Variants in TRDN observed in about 807,000 individuals in gnomAD.
TRDN encodes triadin in skeletal muscle.
A neutral mutation model predicts 149.7 loss-of-function variants in TRDN; 161 were observed. That is an observed-to-expected ratio of 1.08 (90% confidence interval 0.95 to 1.23). TRDN has a LOEUF of 1.23. Among genes scored for constraint, TRDN ranks in the 50% most tolerant of loss-of-function variants. The pLI, the probability that TRDN is intolerant of heterozygous loss-of-function variation, is 0.00. For missense variants in TRDN, 896 were observed against 823.5 expected (o/e 1.09, Z -1.08); for synonymous variants, 294 against 250.5 (o/e 1.17, Z -1.64).
intron 12 of TRDN, among the ~76,000 whole-genome samples, chr6:123,416,894 G>A (rs6901820): frequency 0.37 from 56,446 of 151,798 alleles, 10,975 homozygotes; most frequent in Middle Eastern, 0.47. Context: ...ATAGAGATGG[G>A]GCTTCACCAT....
chr6:123,511,258 T>C (rs1487396887), intron 7 of TRDN, among the ~76,000 whole-genome samples: 1 of 152,144 alleles, frequency 6.6e-6, no homozygotes, highest in African/African-American at 2.4e-5. Flanking sequence ...ATGTTATTGG[T>C]GCTCAGTAGC....
chr6:123,496,110 TTA>T (rs1267954742), intron 9 of TRDN, among the ~76,000 whole-genome samples: 2 of 147,154 alleles, frequency 1.4e-5, no homozygotes, highest in East Asian at 1.9e-4. Context: ...TATATAATTA[TTA>T]TATATAATAT....
intron 10 of TRDN, among the ~76,000 whole-genome samples, chr6:123,450,003 C>T (rs1307424089): frequency 1.3e-5 from 2 of 152,072 alleles, no homozygotes; most frequent in Non-Finnish European, 2.9e-5. Flanking sequence ...AAGTCTTTTT[C>T]AGACAAACAA....
At chr6:123,370,318 T>C (rs577774016) in intron 19 of TRDN, among the ~76,000 whole-genome samples, 2 of 152,034 alleles carry the variant, frequency 1.3e-5, no homozygotes, top group African/African-American at 4.8e-5. Context: ...GATAATTTTA[T>C]ATAAATTAAA....
intron 12 of TRDN, among the ~76,000 whole-genome samples, chr6:123,425,127 A>G (rs1384839216): frequency 6.6e-6 from 1 of 151,898 alleles, no homozygotes; most frequent in East Asian, 1.9e-4. Flanking sequence ...AAGAGAAATA[A>G]TGGAGTCAGC....
intron 12 of TRDN, among the ~76,000 whole-genome samples, chr6:123,437,855 A>G (rs969075954): frequency 6.6e-6 from 1 of 152,138 alleles, no homozygotes; most frequent in African/African-American, 2.4e-5. Flanking sequence ...GTTCAGACTC[A>G]ATTCCAGTCT....
At chr6:123,453,935 G>C (rs1775945532) in intron 10 of TRDN, among the ~76,000 whole-genome samples, 1 of 150,586 alleles carries the variant, frequency 6.6e-6, no homozygotes, top group South Asian at 2.1e-4. Context: ...ATACATGATG[G>C]AATACAACTC....
chr6:123,218,691 A>G lies in TRDN; in HGVS notation c.2100T>C (p.Tyr700=), dbSNP rs1775029155. Residue 700 remains tyrosine, a synonymous_variant, in exon 41 of 41, where the codon TAT becomes TAC. Transcript: ENST00000334268. ...QCVYLDGYNG[Y]GFQFPFTPAD... The stretch of plus-strand genomic sequence containing the variant: ...CAGGAGTGAAAGGAAACTGAAATCC[A>G]TAGCCATTGTACCCATCCAAGTAGA... The G allele has an allele frequency of 6.2e-7, 1 of 1,600,844 alleles. No individual in the cohort carries two copies. The highest frequency in any genetic ancestry group is 2.2e-5 in the East Asian group (1 of 44,560).
intron 1 of TRDN, among the ~76,000 whole-genome samples, chr6:123,609,780 G>A (rs533238426): frequency 5.9e-5 from 9 of 152,062 alleles, no homozygotes; most frequent in African/African-American, 9.6e-5. Flanking sequence ...ATGATATTGC[G>A]TGCATGAATC....
At chr6:123,486,989 G>A (rs1419338316) in intron 9 of TRDN, among the ~76,000 whole-genome samples, 1 of 151,918 alleles carries the variant, frequency 6.6e-6, no homozygotes, top group Non-Finnish European at 1.5e-5. Flanking sequence ...GCTACTATGG[G>A]CAAAATGAGT....
intron 4 of TRDN, among the ~76,000 whole-genome samples, chr6:123,537,404 T>A (rs1472877406): frequency 6.6e-6 from 1 of 152,188 alleles, no homozygotes; most frequent in Non-Finnish European, 1.5e-5. Context: ...TAGATTTTAA[T>A]GATCCTCTTG....
At position 123,293,562 on chromosome 6, in the gene TRDN, T is replaced by C. The variant is rs1778084618; in HGVS notation, c.1511-14480A>G. Among the ~76,000 whole-genome samples the C allele has an allele frequency of 2.6e-5, 4 of 152,168 alleles. No homozygotes were observed. The South Asian group carries it at 8.3e-4, about 32-fold the overall frequency. Reference sequence around the variant, plus strand: ...AAAATCACTGCCTAGTCTGGAAAGGTAGGAGTACCCCCCTTCTGAAAAATA... The same window carrying C: ...AAAATCACTGCCTAGTCTGGAAAGGCAGGAGTACCCCCCTTCTGAAAAATA... On this transcript the variant is annotated intron_variant, in intron 24 of 40. Coordinates refer to ENST00000334268, the MANE Select transcript of TRDN (RefSeq NM_006073.4).
At chr6:123,488,366 G>A (rs1778062791) in intron 9 of TRDN, among the ~76,000 whole-genome samples, 1 of 152,126 alleles carries the variant, frequency 6.6e-6, no homozygotes, top group Non-Finnish European at 1.5e-5. Context: ...TTTGCAGCTA[G>A]ATACCATCTG....
intron 21 of TRDN, among the ~76,000 whole-genome samples, chr6:123,347,687 G>A (rs1312141125): frequency 2.0e-5 from 3 of 152,012 alleles, no homozygotes; most frequent in East Asian, 1.9e-4. Flanking sequence ...AGCATTGGGG[G>A]CAATGTGGAA....
chr6:123,321,097 C>T (rs1779226487), intron 23 of TRDN, among the ~76,000 whole-genome samples: 1 of 152,042 alleles, frequency 6.6e-6, no homozygotes, highest in Admixed American at 6.6e-5. Context: ...GTCTGGAAAA[C>T]GTGGTGGCTG....
chr6:123,455,391 CA>C (rs1346815431), intron 10 of TRDN, among the ~76,000 whole-genome samples: 1 of 146,038 alleles, frequency 6.8e-6, no homozygotes, highest in Non-Finnish European at 1.5e-5. Context: ...TAGAGTGAAA[CA>C]AAAAAGGCAA....
intron 1 of TRDN, among the ~76,000 whole-genome samples, chr6:123,603,521 A>AT (rs1315850826): frequency 1.3e-5 from 2 of 152,090 alleles, no homozygotes; most frequent in Non-Finnish European, 2.9e-5. Context: ...TTACTTATTT[A>AT]TTCAATTATC....
At chr6:123,473,216 T>G (rs1777278362) in intron 9 of TRDN, among the ~76,000 whole-genome samples, 1 of 151,998 alleles carries the variant, frequency 6.6e-6, no homozygotes, top group Non-Finnish European at 1.5e-5. Flanking sequence ...GAAGAATGTA[T>G]AACTAGAATA....
intron 36 of TRDN, 112 bp from the exon 37 acceptor site, chr6:123,255,237 CAA>C (rs1329745780): frequency 2.1e-6 from 1 of 468,978 alleles, no homozygotes; most frequent in Non-Finnish European, 3.5e-6. Context: ...AATATTTTCT[CAA>C]GTTGGTTTTC....
Sources: gnomAD v4.1 joint callset for allele counts (sites outside exome capture counted in the v4.1 genomes callset) on GRCh38, gnomAD v4.1.1 for gene constraint, MANE v1.5 for transcripts, NCBI Gene and HGNC (gene_info 2026-07-23, HGNC 2026-07-21) for gene names.